The following GALNT2 variants were observed in gnomAD, a reference collection of about 807,000 sequenced individuals.
GALNT2 encodes UDP-GalNAc:polypeptide N-acetylgalactosaminyltransferase 2.
In GALNT2, 31 loss-of-function variants were observed where a neutral mutation model predicts 81.4. The ratio of observed to expected loss-of-function variants is 0.38; its 90% CI spans 0.29 to 0.51. The LOEUF is 0.51. GALNT2 is among the 20% of genes least tolerant of loss of function. The pLI, the probability that GALNT2 is intolerant of heterozygous loss-of-function variation, is 0.87. For synonymous variants in GALNT2, 303 were observed against 287.4 expected (o/e 1.05, Z -0.55); for missense variants, 629 against 765.7 (o/e 0.82, Z 2.11).
rs34783939 is a variant in GALNT2, at chr1:230,152,459, A to G, written c.127-25759A>G. Among the ~76,000 whole-genome samples the G allele has an allele frequency of 1.4e-4, 22 of 152,248 alleles. No homozygotes were observed. The South Asian group carries it at 4.3e-3, about 30-fold the overall frequency. ...ATCAGTATTCATGATGAATAATTAA[A>G]TAGAAAATACTGGAGCACATCATAC... On this transcript the variant is annotated intron_variant, in intron 1 of 15. Transcript: ENST00000366672.
chr1:230,075,017 T>A (rs1373005883), intron 1 of GALNT2, among the ~76,000 whole-genome samples: 4 of 151,386 alleles, frequency 2.6e-5, no homozygotes, highest in African/African-American at 9.7e-5. Flanking sequence ...TTCCTTGCAT[T>A]GGCAGTGCCC....
At chr1:230,123,348 G>A (rs1006246637) in intron 1 of GALNT2, among the ~76,000 whole-genome samples, 6 of 152,332 alleles carry the variant, frequency 3.9e-5, no homozygotes, top group Middle Eastern at 3.4e-3. Flanking sequence ...GGGCCAACCC[G>A]TTAGGGGAGT....
At chr1:230,161,758 A>G (rs780253691) in intron 1 of GALNT2, among the ~76,000 whole-genome samples, 1 of 152,174 alleles carries the variant, frequency 6.6e-6, no homozygotes, top group Non-Finnish European at 1.5e-5. Flanking sequence ...ATTGTTGTGA[A>G]GTTAATTGAG....
intron 7 of GALNT2, among the ~76,000 whole-genome samples, chr1:230,245,643 G>A (rs1334528660): frequency 6.6e-6 from 1 of 152,158 alleles, no homozygotes; most frequent in East Asian, 1.9e-4. Flanking sequence ...TGATGTATGA[G>A]CATTTTAGCA....
chr1:230,211,862 C>T (rs1263187010), intron 3 of GALNT2, among the ~76,000 whole-genome samples: 2 of 152,160 alleles, frequency 1.3e-5, no homozygotes, highest in African/African-American at 2.4e-5. Flanking sequence ...TACCAGTTCC[C>T]AGAAGGCTCG....
At position 230,271,602 on chromosome 1, in the gene GALNT2, G is replaced by T. The variant is rs182526589; in HGVS notation, c.1441-2843G>T. ...TGTAAATCAGGGCTCCCGCGACCTCGCCTTGAATTCATTCATTTGCAAGAA... is the reference window on the plus strand; with the variant it reads ...TGTAAATCAGGGCTCCCGCGACCTCTCCTTGAATTCATTCATTTGCAAGAA... On this transcript the variant is annotated intron_variant, in intron 14 of 15. Transcript: ENST00000366672. The surrounding 1 kb of genome is among the most constrained non-coding windows in gnomAD (Gnocchi z 4.2). Among the ~76,000 whole-genome samples the T allele has an allele frequency of 6.6e-6, 1 of 152,242 alleles. No homozygotes were observed. The highest frequency in any genetic ancestry group is 2.4e-5 in the African/African-American group (1 of 41,462).
At chr1:230,192,700 A>G (rs574481112) in intron 2 of GALNT2, among the ~76,000 whole-genome samples, 1 of 152,374 alleles carries the variant, frequency 6.6e-6, no homozygotes, top group East Asian at 1.9e-4. Flanking sequence ...AGCACAGATA[A>G]TTTTAAACAA....
chr1:230,059,539 C>T (rs139241923), intron 1 of GALNT2, among the ~76,000 whole-genome samples: 6 of 152,262 alleles, frequency 3.9e-5, no homozygotes, highest in Non-Finnish European at 7.4e-5. Flanking sequence ...ATATGCCAGC[C>T]GTCTAGGGAA....
intron 1 of GALNT2, among the ~76,000 whole-genome samples, chr1:230,164,568 C>T (rs1268025146): frequency 1.3e-5 from 2 of 151,150 alleles, no homozygotes; most frequent in African/African-American, 4.9e-5. Context: ...CGGAGTCACT[C>T]TGTCGCCCAG....
chr1:230,093,635 C>T (rs1409854814), intron 1 of GALNT2, among the ~76,000 whole-genome samples: 1 of 152,208 alleles, frequency 6.6e-6, no homozygotes, highest in African/African-American at 2.4e-5. Context: ...GGGCAAGGTA[C>T]GGTCAAGCTC....
intron 1 of GALNT2, among the ~76,000 whole-genome samples, chr1:230,138,602 C>A (rs542119372): frequency 6.6e-6 from 1 of 151,282 alleles, no homozygotes; most frequent in South Asian, 2.1e-4. Flanking sequence ...GGCAGCTTGA[C>A]TGAGTATACT....
At chr1:230,276,846 C>G (rs948985106) in intron 15 of GALNT2, among the ~76,000 whole-genome samples, 3 of 152,164 alleles carry the variant, frequency 2.0e-5, no homozygotes, top group African/African-American at 7.2e-5. Flanking sequence ...ACTCATTGGC[C>G]CCTCGAGAGG....
chr1:230,103,522 C>CT (rs556992703), intron 1 of GALNT2, among the ~76,000 whole-genome samples: 1 of 152,112 alleles, frequency 6.6e-6, no homozygotes, highest in Non-Finnish European at 1.5e-5. Context: ...TGTAAGTCAC[C>CT]TTTTTTTCTG....
intron 6 of GALNT2, among the ~76,000 whole-genome samples, chr1:230,239,719 C>T (rs1362341600): frequency 6.6e-6 from 1 of 152,160 alleles, no homozygotes; most frequent in Non-Finnish European, 1.5e-5. Flanking sequence ...CTATTTGTAC[C>T]ATGTGCATTT....
At chr1:230,170,772 GA>G (rs1662765596) in intron 1 of GALNT2, among the ~76,000 whole-genome samples, 1 of 152,198 alleles carries the variant, frequency 6.6e-6, no homozygotes, top group Non-Finnish European at 1.5e-5. Flanking sequence ...GCAAGAGAGA[GA>G]GGGGAGGAGG....
intron 1 of GALNT2, among the ~76,000 whole-genome samples, chr1:230,103,392 A>G (rs1001954805): frequency 2.6e-5 from 4 of 152,236 alleles, no homozygotes; most frequent in African/African-American, 9.6e-5. Flanking sequence ...TTATTCAGCA[A>G]TAATTAGCCA....
At chr1:230,208,246 G>A (rs911482101) in intron 3 of GALNT2, among the ~76,000 whole-genome samples, 2 of 152,150 alleles carry the variant, frequency 1.3e-5, no homozygotes, top group African/African-American at 4.8e-5. Context: ...CATTGGTGGT[G>A]GTGAGAAGTG....
At chr1:230,205,780 C>A (rs1053233554) in intron 3 of GALNT2, among the ~76,000 whole-genome samples, 7 of 152,316 alleles carry the variant, frequency 4.6e-5, no homozygotes, top group African/African-American at 1.7e-4. Flanking sequence ...ACCAGCCCAT[C>A]CCCAGGCTAA....
intron 1 of GALNT2, among the ~76,000 whole-genome samples, chr1:230,092,227 G>A (rs1346023534): frequency 4.6e-5 from 3 of 65,882 alleles, no homozygotes; most frequent in African/African-American, 7.7e-5. Flanking sequence ...CGTTAGGCTC[G>A]TCTATGTAAT....
Sources: allele counts gnomAD v4.1 joint callset (sites outside exome capture counted in the v4.1 genomes callset), GRCh38; gene constraint gnomAD v4.1.1; non-coding constraint Gnocchi (gnomAD v3.1); transcripts MANE v1.5; gene names NCBI Gene and HGNC (gene_info 2026-07-23, HGNC 2026-07-21).